Variants in THSD4 observed in about 807,000 individuals in gnomAD.
The protein encoded by THSD4 is thrombospondin type 1 domain containing 4.
Under a neutral mutation model 119.0 loss-of-function variants are expected in THSD4, and 69 were observed. That is an observed-to-expected ratio of 0.58 (90% CI 0.48 to 0.71). THSD4 has a LOEUF of 0.71. THSD4 is among the 30% of genes least tolerant of loss of function. The probability of loss-of-function intolerance (pLI) is 0.00; values close to 1 mark genes in which losing one functional copy is unlikely to be tolerated. For missense variants in THSD4, 1,393 were observed against 1,391.1 expected (o/e 1.00, Z -0.02); for synonymous variants, 524 against 540.4 (o/e 0.97, Z 0.42).
At chr15:71,373,607 G>C (rs942928116) in intron 6 of THSD4, among the ~76,000 whole-genome samples, 3 of 152,168 alleles carry the variant, frequency 2.0e-5, no homozygotes, top group African/African-American at 4.8e-5. Flanking sequence ...CTTTCCTTCA[G>C]CTTCTAAAAG....
intron 1 of THSD4, among the ~76,000 whole-genome samples, chr15:71,117,069 A>G (rs572316760): frequency 6.6e-6 from 1 of 152,138 alleles, no homozygotes; most frequent in Admixed American, 6.5e-5. Flanking sequence ...GATTTCCCAG[A>G]GGTCTGGGCC....
chr15:71,525,345 G>A (rs7178717), intron 7 of THSD4, among the ~76,000 whole-genome samples: 8,575 of 152,140 alleles, frequency 0.056, 363 homozygotes, highest in South Asian at 0.16. Flanking sequence ...TGTTAAAACC[G>A]ACACTCATAA....
chr15:71,690,835 G>C (rs950888673), intron 8 of THSD4, among the ~76,000 whole-genome samples: 1 of 152,106 alleles, frequency 6.6e-6, no homozygotes, highest in African/African-American at 2.4e-5. Flanking sequence ...GCAAAGACCT[G>C]CCCCCATGAT....
At chr15:71,685,164 A>G (rs1429845307) in intron 8 of THSD4, among the ~76,000 whole-genome samples, 2 of 151,600 alleles carry the variant, frequency 1.3e-5, no homozygotes, top group African/African-American at 4.8e-5. Flanking sequence ...GAATTCACAT[A>G]CTTCTGTTTT....
chr15:71,369,087 G>C (rs2046007781), intron 6 of THSD4, among the ~76,000 whole-genome samples: 1 of 152,204 alleles, frequency 6.6e-6, no homozygotes, highest in Admixed American at 6.5e-5. Flanking sequence ...CTCTCTGTCT[G>C]TTATTGGTGT....
At chr15:71,121,457 G>T (rs1044430433) in intron 1 of THSD4, among the ~76,000 whole-genome samples, 1 of 151,822 alleles carries the variant, frequency 6.6e-6, no homozygotes, top group Admixed American at 6.6e-5. Context: ...GCCAAGGCTT[G>T]CTTTGGGTAA....
chr15:71,452,090 C>T (rs2047273034), intron 7 of THSD4, among the ~76,000 whole-genome samples: 1 of 152,210 alleles, frequency 6.6e-6, no homozygotes, highest in Non-Finnish European at 1.5e-5. Flanking sequence ...ACAGGCTCCC[C>T]TGCATCCCTG....
upstream of THSD4, among the ~76,000 whole-genome samples, chr15:71,114,479 AC>A (rs1199249362): frequency 6.6e-6 from 1 of 151,266 alleles, no homozygotes; most frequent in Admixed American, 6.6e-5. Flanking sequence ...AATATTTGTC[AC>A]CCCCTCCCTG....
chr15:71,421,763 C>G (rs1188838279), intron 7 of THSD4, among the ~76,000 whole-genome samples: 1 of 152,166 alleles, frequency 6.6e-6, no homozygotes, highest in Non-Finnish European at 1.5e-5. Flanking sequence ...CATTCTACCC[C>G]ATCTGTCCTG....
At chr15:71,756,335 C>G (rs2053538061) in intron 14 of THSD4, among the ~76,000 whole-genome samples, 1 of 152,048 alleles carries the variant, frequency 6.6e-6, no homozygotes, top group Non-Finnish European at 1.5e-5. Context: ...ATGTTGGAAG[C>G]AAGAGGGTAG....
At chr15:71,526,749 T>C (rs2048526303) in intron 7 of THSD4, among the ~76,000 whole-genome samples, 1 of 152,216 alleles carries the variant, frequency 6.6e-6, no homozygotes, top group Non-Finnish European at 1.5e-5. Flanking sequence ...TGTGTAGCAA[T>C]GGCACACAGG....
chr15:71,337,832 T>G (rs985814984), intron 6 of THSD4, among the ~76,000 whole-genome samples: 2 of 151,978 alleles, frequency 1.3e-5, no homozygotes, highest in African/African-American at 4.8e-5. Context: ...GCATGCAATG[T>G]GATGTAGGCA....
chr15:71,676,819 G>T (rs1052342714), intron 8 of THSD4, among the ~76,000 whole-genome samples: 60 of 152,208 alleles, frequency 3.9e-4, no homozygotes, highest in African/African-American at 1.3e-3. Flanking sequence ...TCTTTTTTAT[G>T]TATATGCCAC....
At chr15:71,366,189 T>G (rs1332163586) in intron 6 of THSD4, among the ~76,000 whole-genome samples, 1 of 152,148 alleles carries the variant, frequency 6.6e-6, no homozygotes, top group Non-Finnish European at 1.5e-5. Flanking sequence ...TTCTCCTGCC[T>G]CAGCCTCCCC....
At chr15:71,135,999 T>G (rs1343294750) in intron 1 of THSD4, among the ~76,000 whole-genome samples, 4 of 139,868 alleles carry the variant, frequency 2.9e-5, no homozygotes, top group East Asian at 2.0e-4. Flanking sequence ...TAGTTTTTTT[T>G]TTTTTTTTTT....
chr15:71,450,786 A>C (rs1306585543), intron 7 of THSD4, among the ~76,000 whole-genome samples: 1 of 152,166 alleles, frequency 6.6e-6, no homozygotes, highest in Non-Finnish European at 1.5e-5. Context: ...AGCCACATTT[A>C]ATTATATAAG....
intron 8 of THSD4, among the ~76,000 whole-genome samples, chr15:71,682,572 CTTTTT>C (rs33972227): frequency 4.9e-5 from 7 of 141,808 alleles, no homozygotes; most frequent in Non-Finnish European, 9.2e-5. Context: ...TTGTATCTGG[CTTTTT>C]TTTTTTTTTT....
rs2053881613 is a variant in THSD4, at chr15:71,774,626, A to G, written c.2915-2606A>G. 1.3e-5 allele frequency among the ~76,000 whole-genome samples: 2 copies of G among 152,128 alleles called. 1 individual carries two copies. The highest frequency in any genetic ancestry group is 4.1e-4 in the South Asian group (2 of 4,832). Reference sequence around the variant, plus strand: ...TATGCTTTCAAAAATGTACAGGGGCACACACATGCAAAGAATAGGGCTCAT... The same window carrying G: ...TATGCTTTCAAAAATGTACAGGGGCGCACACATGCAAAGAATAGGGCTCAT... On this transcript the variant is annotated intron_variant, in intron 17 of 17. Transcript: ENST00000261862.
intron 4 of THSD4, among the ~76,000 whole-genome samples, chr15:71,240,051 C>G (rs992154994): frequency 6.6e-6 from 1 of 152,222 alleles, no homozygotes; most frequent in Non-Finnish European, 1.5e-5. Flanking sequence ...TGCTGTTGCT[C>G]TGTCATTGGG....
Sources: gnomAD v4.1 joint callset for allele counts (sites outside exome capture counted in the v4.1 genomes callset) on GRCh38, gnomAD v4.1.1 for gene constraint, MANE v1.5 for transcripts, NCBI Gene and HGNC (gene_info 2026-07-23, HGNC 2026-07-21) for gene names.